The following AKR1E2 variants were observed in gnomAD, a reference collection of about 807,000 sequenced individuals.
AKR1E2 encodes 1,5-anhydro-D-fructose reductase.
AKR1E2 carries 43 observed loss-of-function variants against 41.9 expected under a neutral mutation model. The observed-to-expected ratio is 1.03, with a 90% CI of 0.80 to 1.32. AKR1E2 has a LOEUF of 1.32. Among genes scored for constraint, AKR1E2 ranks in the 40% most tolerant of loss-of-function variants. AKR1E2 has a pLI of 0.00. For missense variants in AKR1E2, 423 were observed against 396.5 expected, an observed-to-expected ratio of 1.07 and a Z score of -0.57; for synonymous variants, 121 against 138.9, an observed-to-expected ratio of 0.87 and a Z score of 0.91.
chr10:4,867,712 G>C, the AKR1E2 span, among the ~76,000 whole-genome samples: 1 of 152,144 alleles, frequency 6.6e-6, no homozygotes, highest in Non-Finnish European at 1.5e-5. Flanking sequence ...TTAACCCACA[G>C]TTCTAACATT....
chr10:4,858,125 A>G, the AKR1E2 span, among the ~76,000 whole-genome samples: 45 of 152,160 alleles, frequency 3.0e-4, no homozygotes, highest in Middle Eastern at 3.4e-3. Flanking sequence ...TATGTTGTCA[A>G]TTTCTTTCAT....
At chr10:4,865,393 T>A in the AKR1E2 span, among the ~76,000 whole-genome samples, 59 of 152,272 alleles carry the variant, frequency 3.9e-4, no homozygotes, top group Non-Finnish European at 6.0e-4. Context: ...CAATAACAAA[T>A]TTTAGAAGAC....
At chr10:4,870,615 C>T in the AKR1E2 span, among the ~76,000 whole-genome samples, 21 of 151,780 alleles carry the variant, frequency 1.4e-4, no homozygotes, top group African/African-American at 5.1e-4. Context: ...TTGTTACTTG[C>T]CTCCATGGTT....
Position 4,843,829 on chromosome 10 carries a change from C to T in AKR1E2, c.837+1325C>T, listed in dbSNP as rs75814650. On this transcript the variant is annotated intron_variant, in intron 8 of 9. Transcript: ENST00000298375. Reference sequence around the variant, plus strand: ...GCTCACCTGCTGCCCGCATGCCCTTCTCCTCTCCTTTCTCAGGCGTCCTGC... The same window carrying T: ...GCTCACCTGCTGCCCGCATGCCCTTTTCCTCTCCTTTCTCAGGCGTCCTGC... Among the ~76,000 whole-genome samples the T allele has an allele frequency of 4.9e-3, 753 of 152,364 alleles. 8 individuals are homozygous for T. Among genetic ancestry groups the T allele is most frequent in the African/African-American group, 0.018 (729 of 41,578 alleles).
At chr10:4,842,073 A>T (rs1333663860) in intron 7 of AKR1E2, among the ~76,000 whole-genome samples, 1 of 152,212 alleles carries the variant, frequency 6.6e-6, no homozygotes, top group Non-Finnish European at 1.5e-5. Flanking sequence ...GTCTAGACTC[A>T]GAGGAGGAGT....
chr10:4,863,948 C>G, the AKR1E2 span, among the ~76,000 whole-genome samples: 1 of 152,162 alleles, frequency 6.6e-6, no homozygotes, highest in Non-Finnish European at 1.5e-5. Flanking sequence ...ATAACAGGCT[C>G]TGAAATTGAG....
chr10:4,852,115 C>T (rs1834535825), downstream of AKR1E2, among the ~76,000 whole-genome samples: 1 of 152,262 alleles, frequency 6.6e-6, no homozygotes, highest in South Asian at 2.1e-4. Flanking sequence ...CAATGGTGAC[C>T]AGCATTACTT....
chr10:4,865,108 ACTCT>A, the AKR1E2 span, among the ~76,000 whole-genome samples: 5 of 152,318 alleles, frequency 3.3e-5, no homozygotes, highest in East Asian at 9.6e-4. Flanking sequence ...GAATAAAGTT[ACTCT>A]CTAACACATT....
intron 8 of AKR1E2, among the ~76,000 whole-genome samples, chr10:4,845,466 TGCTGTCACCCCTCAATGGGGGCTGC>T (rs1834262570): frequency 3.9e-5 from 1 of 25,854 alleles, no homozygotes; most frequent in Non-Finnish European, 1.7e-4. Flanking sequence ...GCTGCCAGCA[TGCTGTCACCCCTCAATGGGGGCTGC>T]CAGCATGCTG....
intron 1 of AKR1E2, among the ~76,000 whole-genome samples, chr10:4,827,211 T>G (rs1347038810): frequency 6.6e-6 from 1 of 152,170 alleles, no homozygotes; most frequent in Non-Finnish European, 1.5e-5. Context: ...GCTCTGTGCA[T>G]TTATGGGGTG....
rs1177276004 is a variant in AKR1E2, at chr10:4,842,511, G to A, written c.837+7G>A. On this transcript the variant is annotated splice_region_variant and intron_variant, in intron 8 of 9. Transcript: ENST00000298375. The stretch of plus-strand genomic sequence containing the variant: ...CATTAAAGAGAATATCCAGGTAGGT[G>A]TATTCCTTCTTTTATTTGGCGGGTT... The A allele has an allele frequency of 5.0e-6, 8 of 1,612,610 alleles. No homozygotes were observed. In the Admixed American group the frequency reaches 5.0e-5, roughly 10 times the overall value.
intron 8 of AKR1E2, among the ~76,000 whole-genome samples, chr10:4,843,167 A>G (rs1487924238): frequency 1.3e-5 from 2 of 152,200 alleles, no homozygotes; most frequent in African/African-American, 2.4e-5. Context: ...CCCTGACGAC[A>G]TAGTCTGTAA....
chr10:4,833,118 T>G (rs1476529825), intron 2 of AKR1E2, among the ~76,000 whole-genome samples: 3 of 152,194 alleles, frequency 2.0e-5, no homozygotes, highest in Non-Finnish European at 2.9e-5. Flanking sequence ...GAGCTTCCCT[T>G]GAGGAGGAGT....
In AKR1E2 at chr10:4,844,931, G is replaced by T. The variant is rs191999289; in HGVS notation, c.838-2217G>T. On this transcript the variant is annotated intron_variant, in intron 8 of 9. Coordinates refer to ENST00000298375, the MANE Select transcript of AKR1E2 (RefSeq NM_001040177.3). ...GTGTGCCGGCACTCCTCAGCCCTTG[G>T]GTGGTCTATGGGACCTGGTGCCATG... is the stretch of plus-strand genomic sequence containing the variant. Among the ~76,000 whole-genome samples the T allele has an allele frequency of 7.9e-3, 1,210 of 152,326 alleles. 17 individuals are homozygous for T. Among genetic ancestry groups the T allele is most frequent in the African/African-American group, 0.027 (1,138 of 41,580 alleles).
the AKR1E2 span, among the ~76,000 whole-genome samples, chr10:4,862,584 G>C: frequency 6.6e-6 from 1 of 152,118 alleles, no homozygotes; most frequent in Non-Finnish European, 1.5e-5. Flanking sequence ...TCTTCCATTT[G>C]TTTGTATCCT....
chr10:4,867,542 A>T, the AKR1E2 span, among the ~76,000 whole-genome samples: 1 of 152,224 alleles, frequency 6.6e-6, no homozygotes, highest in East Asian at 1.9e-4. Flanking sequence ...ATTACACACT[A>T]TGTAACTTTT....
At chr10:4,842,853 C>T (rs1406231888) in intron 8 of AKR1E2, among the ~76,000 whole-genome samples, 1 of 152,132 alleles carries the variant, frequency 6.6e-6, no homozygotes. Flanking sequence ...GTCTCCTAAG[C>T]GTGCACTCAG....
At chr10:4,835,850 G>T in intron 4 of AKR1E2, 41 bp downstream of exon 4, 1 of 1,608,650 alleles carries the variant, frequency 6.2e-7, no homozygotes, top group East Asian at 2.2e-5. Flanking sequence ...ATCCTGTGTG[G>T]GTCTCCACCC....
At chr10:4,840,306 C>G (rs554353282) in intron 6 of AKR1E2, among the ~76,000 whole-genome samples, 2 of 152,346 alleles carry the variant, frequency 1.3e-5, no homozygotes, top group African/African-American at 4.8e-5. Context: ...CATCCCGAGT[C>G]CAATCCAGCA....
Sources: gnomAD v4.1 joint callset for allele counts (sites outside exome capture counted in the v4.1 genomes callset) on GRCh38, gnomAD v4.1.1 for gene constraint, MANE v1.5 for transcripts, NCBI Gene and HGNC (gene_info 2026-07-23, HGNC 2026-07-21) for gene names.